The following NT5C1B variants were observed in gnomAD, a reference collection of about 807,000 sequenced individuals.
NT5C1B encodes the protein cytosolic 5'-nucleotidase 1B.
A neutral mutation model predicts 57.8 loss-of-function variants in NT5C1B; 44 were observed. That is an observed-to-expected ratio of 0.76 (90% confidence interval 0.60 to 0.98). The LOEUF is 0.98. NT5C1B is among the 50% of genes least tolerant of loss of function. NT5C1B has a pLI of 0.00. For missense variants in NT5C1B, 742 were observed against 719.5 expected (o/e 1.03, Z -0.36); for synonymous variants, 284 against 282.6 (o/e 1.00, Z -0.05).
chr2:18,565,037 C>A (rs1387882941), intron 8 of NT5C1B, among the ~76,000 whole-genome samples: 1 of 152,112 alleles, frequency 6.6e-6, no homozygotes, highest in African/African-American at 2.4e-5. Context: ...TCTTCTCCAC[C>A]ATCTAATTTT....
chr2:18,566,741 T>C (rs1419500310), intron 8 of NT5C1B, among the ~76,000 whole-genome samples: 1 of 152,116 alleles, frequency 6.6e-6, no homozygotes, highest in African/African-American at 2.4e-5. Flanking sequence ...TCAATAAAAA[T>C]ATAACAATAC....
intron 8 of NT5C1B, among the ~76,000 whole-genome samples, chr2:18,564,663 G>A (rs915576478): frequency 6.6e-6 from 1 of 152,082 alleles, no homozygotes; most frequent in African/African-American, 2.4e-5. Flanking sequence ...TTTGCTATGT[G>A]ATACAACCTG....
chr2:18,587,333 C>A (rs1666812710), intron 2 of NT5C1B, 170 bp downstream of exon 2: 1 of 985,454 alleles, frequency 1.0e-6, no homozygotes, highest in African/African-American at 1.7e-5. Context: ...GAGGGGAAGG[C>A]AGGGCCCAAC....
Position 18,584,327 on chromosome 2 carries a change from G to A in NT5C1B, c.724-72C>T, listed in dbSNP as rs533295461. 1.1e-5 allele frequency: 18 copies of A among 1,576,956 alleles called. No homozygotes were observed. The South Asian group carries it at 1.7e-4, about 15-fold the overall frequency. The stretch of plus-strand genomic sequence containing the variant: ...AGGACAGGGTTGGGGCTCCTCCAGG[G>A]TAGGGTGAGAGTAGGACAGCGGGCC... On this transcript the variant is annotated intron_variant, in intron 4 of 8. Coordinates refer to ENST00000304081, the Ensembl canonical transcript of NT5C1B. This position sits in a 1 kb window ranked among gnomAD's most constrained non-coding sequence, Gnocchi z 5.8.
chr2:18,578,719 G>T (rs1029519599), intron 6 of NT5C1B, among the ~76,000 whole-genome samples: 1 of 151,898 alleles, frequency 6.6e-6, no homozygotes, highest in African/African-American at 2.4e-5. Flanking sequence ...GTGGGCAAAA[G>T]CTAGAAGAAC....
chr2:18,570,776 A>G (rs1665078288), intron 8 of NT5C1B, among the ~76,000 whole-genome samples: 1 of 152,216 alleles, frequency 6.6e-6, no homozygotes, highest in Non-Finnish European at 1.5e-5. Flanking sequence ...GAATACATAA[A>G]TGAATAAATA....
intron 8 of NT5C1B, among the ~76,000 whole-genome samples, chr2:18,571,196 G>A (rs1190842354): frequency 6.6e-6 from 1 of 152,104 alleles, no homozygotes; most frequent in Non-Finnish European, 1.5e-5. Flanking sequence ...AGGCAAGAAT[G>A]ATAAATAACA....
intron 6 of NT5C1B, among the ~76,000 whole-genome samples, chr2:18,582,413 G>A (rs951665616): frequency 2.0e-5 from 3 of 152,156 alleles, no homozygotes; most frequent in African/African-American, 7.2e-5. Flanking sequence ...AATTTTCTAT[G>A]TAAATTATTT....
At chr2:18,586,553 T>C in intron 2 of NT5C1B, 162 bp from the exon 3 acceptor site, 1 of 1,120,304 alleles carries the variant, frequency 8.9e-7, no homozygotes, top group Non-Finnish European at 1.2e-6. Context: ...TCTGTACTAT[T>C]CTAACTCTGG....
At chr2:18,582,904 C>A in exon 6 of NT5C1B, 4 of 1,614,014 alleles carry the variant, frequency 2.5e-6, no homozygotes, top group Non-Finnish European at 3.4e-6. Context: ...CGCACTCCCA[C>A]TTGGGCATGG....
chr2:18,587,393 A>G (rs1666817932), intron 2 of NT5C1B, 110 bp downstream of exon 2: 2 of 1,540,798 alleles, frequency 1.3e-6, no homozygotes, highest in Non-Finnish European at 1.7e-6. Context: ...ACGCCTTAAT[A>G]CAATTCTCAA....
At chr2:18,589,449 T>C (rs1297089245) in exon 1 of NT5C1B, 1 of 1,613,982 alleles carries the variant, frequency 6.2e-7, no homozygotes, top group South Asian at 1.1e-5. Flanking sequence ...CTTTTTCTGT[T>C]TGAGAGATGT....
intron 8 of NT5C1B, among the ~76,000 whole-genome samples, chr2:18,572,234 A>G (rs1665272893): frequency 6.6e-6 from 1 of 152,210 alleles, no homozygotes; most frequent in African/African-American, 2.4e-5. Context: ...ATATCCAGGA[A>G]ATTAGGATAA....
At chr2:18,577,337 T>C (rs1665776219) in intron 6 of NT5C1B, among the ~76,000 whole-genome samples, 1 of 142,510 alleles carries the variant, frequency 7.0e-6, no homozygotes, top group African/African-American at 2.7e-5. Context: ...TACAGCCTCC[T>C]CACTAACTGT....
intron 8 of NT5C1B, among the ~76,000 whole-genome samples, chr2:18,572,941 A>G (rs1291940575): frequency 1.3e-5 from 2 of 152,186 alleles, no homozygotes; most frequent in Non-Finnish European, 2.9e-5. Flanking sequence ...TAGCAATTCC[A>G]CTTCTAGGTA....
chr2:18,565,277 GGTTAAGTATAT>G (rs1460559046), intron 8 of NT5C1B, among the ~76,000 whole-genome samples: 1 of 152,004 alleles, frequency 6.6e-6, no homozygotes, highest in East Asian at 1.9e-4. Flanking sequence ...TTAATTCTAT[GGTTAAGTATAT>G]TATATGACCA....
chr2:18,573,634 G>T (rs1453025783), intron 8 of NT5C1B, among the ~76,000 whole-genome samples: 2 of 151,970 alleles, frequency 1.3e-5, no homozygotes, highest in African/African-American at 2.4e-5. Flanking sequence ...CCATTTGCTG[G>T]TGAGTTTCAG....
chr2:18,583,534 C>A, intron 5 of NT5C1B: 1 of 284,772 alleles, frequency 3.5e-6, no homozygotes, highest in Non-Finnish European at 6.8e-6. Context: ...CTACCAACAA[C>A]TTGTAGAGGT....
Position 18,586,393 on chromosome 2 carries a change from T to C in NT5C1B, c.121-2A>G, listed in dbSNP as rs1373442553. 1 of 1,613,802 alleles carries C rather than the reference T, an allele frequency of 6.2e-7. No homozygotes were observed. Among genetic ancestry groups the C allele is most frequent in the South Asian group, 1.1e-5 (1 of 91,038 alleles). On this transcript the variant is annotated splice_acceptor_variant, in intron 2 of 8. Coordinates refer to ENST00000304081, the Ensembl canonical transcript of NT5C1B. LOFTEE classifies it high-confidence loss of function. Reference sequence around the variant, plus strand: ...CCGCAGTGATGATTCTTGTGATCCCTGTGATGGAAAGAAGAAACCCAACGG... The same window carrying C: ...CCGCAGTGATGATTCTTGTGATCCCCGTGATGGAAAGAAGAAACCCAACGG...
Sources: gnomAD v4.1 joint callset for allele counts (sites outside exome capture counted in the v4.1 genomes callset) on GRCh38, gnomAD v4.1.1 for gene constraint, Gnocchi (gnomAD v3.1) non-coding constraint, MANE v1.5 for transcripts, NCBI Gene and HGNC (gene_info 2026-07-23, HGNC 2026-07-21) for gene names.